The following LARP1 variants were observed in gnomAD, a reference collection of about 807,000 sequenced individuals.
LARP1 encodes la-related protein 1.
Under a neutral mutation model 122.7 loss-of-function variants are expected in LARP1, and 36 were observed. The observed-to-expected ratio is 0.29, with a 90% confidence interval of 0.22 to 0.39. The LOEUF (loss-of-function observed/expected upper bound fraction) is 0.39. Ranked by LOEUF, LARP1 falls within the 10% of genes least tolerant of loss-of-function variation. The pLI, the probability that LARP1 is intolerant of heterozygous loss-of-function variation, is 1.00. For synonymous variants in LARP1, 539 were observed against 528.7 expected (o/e 1.02, Z -0.27); for missense variants, 1,040 against 1,403.6 (o/e 0.74, Z 4.14).
chr5:154,694,546 G>A (rs188595876), intron 1 of LARP1, among the ~76,000 whole-genome samples: 3 of 152,160 alleles, frequency 2.0e-5, no homozygotes, highest in Non-Finnish European at 4.4e-5. Flanking sequence ...AGGTGTAAGC[G>A]ACTATACCTG....
At chr5:154,713,166 G>A (rs1755311196) in intron 1 of LARP1, 1 of 1,564,374 alleles carries the variant, frequency 6.4e-7, no homozygotes, top group Non-Finnish European at 8.8e-7. Context: ...TGAACCTCAG[G>A]ACAGCAGGGT....
At chr5:154,761,485 G>A (rs951554162) in intron 1 of LARP1, among the ~76,000 whole-genome samples, 1 of 152,066 alleles carries the variant, frequency 6.6e-6, no homozygotes, top group African/African-American at 2.4e-5. Flanking sequence ...AGGAGCAGCC[G>A]GCCTGAAACT....
chr5:154,746,300 T>G lies in LARP1; in HGVS notation c.205+33170T>G, dbSNP rs151204008. On this transcript the variant is annotated intron_variant, in intron 1 of 18. Transcript: ENST00000336314. ...TGTCTTGGAGCTTGGCTCCTGTGTT[T>G]GACTGAGCGACGGTTCTTTTGGCCA... Among the ~76,000 whole-genome samples the G allele has an allele frequency of 2.6e-5, 4 of 152,360 alleles. No individual in the cohort carries two copies. The East Asian group carries it at 7.7e-4, about 29-fold the overall frequency.
chr5:154,786,104 G>A (rs187585651), intron 1 of LARP1, among the ~76,000 whole-genome samples: 131 of 152,074 alleles, frequency 8.6e-4, no homozygotes, highest in African/African-American at 2.8e-3. Context: ...GTGCAGTGGC[G>A]CGATCTCAGC....
In LARP1 at chr5:154,801,509, C is replaced by A. The variant is rs138850479; in HGVS notation, c.1717-498C>A. On this transcript the variant is annotated intron_variant, in intron 10 of 18. Transcript: ENST00000518297. ...TAGGTTTTTCATACAGAGCTTAGGA[C>A]TAATGGGTACTCCCTCATTTATTAT... Among the ~76,000 whole-genome samples, 10 of 152,278 alleles carry A rather than the reference C, an allele frequency of 6.6e-5. 1 individual carries two copies. The highest frequency in any genetic ancestry group is 2.4e-4 in the African/African-American group (10 of 41,540).
At position 154,755,871 on chromosome 5, in the gene LARP1, G is replaced by A. The variant is rs1325425652; in HGVS notation, c.114G>A (p.Glu38=). Residue 38 remains glutamate (E), a synonymous_variant, in exon 1 of 19, where the codon GAG becomes GAA. Transcript: ENST00000518297. ...CGCCGGCGCCCGAGGGCAAGGGCGA[G>A]CCCGGGCCAAACGACGTCCGCGGGG... is the stretch of plus-strand genomic sequence containing the variant. ...KPPPAPEGKG[E]PGPNDVRGGE... 2 of 1,014,756 alleles carry A rather than the reference G, an allele frequency of 2.0e-6. No homozygotes were observed. The highest frequency in any genetic ancestry group is 5.8e-5 in the Admixed American group (1 of 17,236). 62.9% of individuals were successfully genotyped at this position (1,014,756 alleles called of 1,614,324 possible).
rs558977514 is a variant in LARP1 at position 154,727,939 on chromosome 5, G to C, written c.205+14809G>C. ...AAAAATTAGCCGGGCATGGTGGTGT[G>C]TGCCTGTAACCCCAGCTACTCAGCA... On this transcript the variant is annotated intron_variant, in intron 1 of 18. Transcript: ENST00000336314. Among the ~76,000 whole-genome samples, 6 of 152,250 alleles carry C rather than the reference G, an allele frequency of 3.9e-5. No individual in the cohort carries two copies. In the South Asian group the frequency reaches 1.2e-3, roughly 32 times the overall value.
At chr5:154,700,201 G>C (rs187708879) in intron 1 of LARP1, among the ~76,000 whole-genome samples, 12 of 152,116 alleles carry the variant, frequency 7.9e-5, no homozygotes, top group Non-Finnish European at 1.8e-4. Context: ...ATGCAAAAAG[G>C]TATGATGAAC....
At chr5:154,755,371 C>G (rs986786956), upstream of LARP1, among the ~76,000 whole-genome samples, 1 of 151,098 alleles carries the variant, frequency 6.6e-6, no homozygotes, top group Non-Finnish European at 1.5e-5. Flanking sequence ...CGCCTCTCCC[C>G]CGTCCGTCCA....
At chr5:154,712,222 C>T (rs1328020813), upstream of LARP1, among the ~76,000 whole-genome samples, 10 of 152,128 alleles carry the variant, frequency 6.6e-5, no homozygotes. Context: ...CAGCTTTAAA[C>T]CCAAGATTAT....
intron 14 of LARP1, chr5:154,805,184 A>G (rs1283880226): frequency 1.5e-5 from 5 of 327,682 alleles, no homozygotes; most frequent in South Asian, 7.6e-5. Context: ...CAGTTTACCT[A>G]CTTAACAAAC....
chr5:154,791,650 G>A (rs1286005583), intron 3 of LARP1, among the ~76,000 whole-genome samples: 1 of 152,212 alleles, frequency 6.6e-6, no homozygotes, highest in Non-Finnish European at 1.5e-5. Context: ...CGGGGCTGGT[G>A]GCAGGTGTTG....
At chr5:154,721,177 T>C (rs1561544590) in intron 1 of LARP1, among the ~76,000 whole-genome samples, 1 of 151,914 alleles carries the variant, frequency 6.6e-6, no homozygotes, top group African/African-American at 2.4e-5. Flanking sequence ...ACCTCGTCTC[T>C]AAAAATATAT....
chr5:154,726,716 TCTC>T (rs1311890651), intron 1 of LARP1, among the ~76,000 whole-genome samples: 1 of 152,192 alleles, frequency 6.6e-6, no homozygotes, highest in Non-Finnish European at 1.5e-5. Flanking sequence ...ATTAGTCTGT[TCTC>T]ATGCTGCTAT....
At chr5:154,711,416 A>C (rs1418526529), upstream of LARP1, among the ~76,000 whole-genome samples, 3 of 152,188 alleles carry the variant, frequency 2.0e-5, no homozygotes, top group Non-Finnish European at 2.9e-5. Context: ...TTGGGATTAC[A>C]GGCGTGAGCC....
intron 1 of LARP1, among the ~76,000 whole-genome samples, chr5:154,686,200 ACT>A (rs1049709425): frequency 2.0e-5 from 3 of 152,102 alleles, no homozygotes; most frequent in African/African-American, 4.8e-5. Context: ...GAAAGCTAAG[ACT>A]CTTACTGAAA....
chr5:154,686,806 A>G (rs1440902442), intron 1 of LARP1, among the ~76,000 whole-genome samples: 3 of 152,224 alleles, frequency 2.0e-5, no homozygotes, highest in African/African-American at 7.2e-5. Context: ...CAGCTAATTA[A>G]GTAACCTGGT....
At chr5:154,735,127 G>A (rs1453034058) in intron 1 of LARP1, among the ~76,000 whole-genome samples, 2 of 152,118 alleles carry the variant, frequency 1.3e-5, no homozygotes, top group Non-Finnish European at 2.9e-5. Context: ...GAATAGTACT[G>A]CTATGAACAT....
chr5:154,793,710 C>T lies in LARP1; in HGVS notation c.855C>T (p.Arg285=), dbSNP rs34577365. 2,922 of 1,614,156 alleles carry T rather than the reference C, an allele frequency of 1.8e-3. 62 individuals are homozygous for T. In the African/African-American group the frequency reaches 0.034, roughly 19 times the overall value. Residue 285 remains arginine (R), a synonymous_variant, in exon 5 of 19, where the codon CGC becomes CGT. Coordinates refer to ENST00000518297, the MANE Select transcript of LARP1 (RefSeq NM_033551.3). Reference sequence around the variant, plus strand: ...AGCCTAGACACATACCTGCCAATCGCGGAGAGATCAAAGGTATGCACTACC... The same window carrying T: ...AGCCTAGACACATACCTGCCAATCGTGGAGAGATCAAAGGTATGCACTACC... ...PPEPRHIPAN[R]GEIKGSESAT... is the part of the protein sequence containing the mutation.
Sources: gnomAD v4.1 joint callset for allele counts (sites outside exome capture counted in the v4.1 genomes callset) on GRCh38, gnomAD v4.1.1 for gene constraint, MANE v1.5 for transcripts, NCBI Gene and HGNC (gene_info 2026-07-23, HGNC 2026-07-21) for gene names.